Variants in HORMAD2 observed in about 807,000 individuals in gnomAD.
HORMAD2 encodes HORMA domain-containing protein 2.
A neutral mutation model predicts 38.8 loss-of-function variants in HORMAD2; 45 were observed. The observed-to-expected ratio is 1.16, with a 90% CI of 0.91 to 1.49. The LOEUF (loss-of-function observed/expected upper bound fraction) is 1.49. HORMAD2 is among the 40% of genes most tolerant of loss of function. The pLI is 0.00. For synonymous variants in HORMAD2, 126 were observed against 122.8 expected (o/e 1.03, Z -0.17); for missense variants, 338 against 367.0 (o/e 0.92, Z 0.65).
intron 10 of HORMAD2, among the ~76,000 whole-genome samples, chr22:30,154,844 G>A (rs1924966793): frequency 1.3e-5 from 2 of 152,106 alleles, no homozygotes; most frequent in African/African-American, 4.8e-5. Context: ...GAGGCAGAAG[G>A]ATCACCTGAG....
chr22:30,205,388 G>GGACC, the HORMAD2 span, among the ~76,000 whole-genome samples: 1 of 152,098 alleles, frequency 6.6e-6, no homozygotes, highest in Non-Finnish European at 1.5e-5. Flanking sequence ...GAACACCCTG[G>GGACC]GACCGGAAAC....
chr22:30,107,867 G>T lies in HORMAD2; in HGVS notation c.294+3430G>T, dbSNP rs190644053. ...TGATTATTTCTAGTTATGAAATTTTGTGTGATTTTTTTTTTTTTTGAGACG... is the reference window on the plus strand; with the variant it reads ...TGATTATTTCTAGTTATGAAATTTTTTGTGATTTTTTTTTTTTTTGAGACG... On this transcript the variant is annotated intron_variant, in intron 5 of 10. Coordinates refer to ENST00000336726, the MANE Select transcript of HORMAD2 (RefSeq NM_152510.4). Among the ~76,000 whole-genome samples, 4 of 148,744 alleles carry T rather than the reference G, an allele frequency of 2.7e-5. No individual in the cohort carries two copies. In the East Asian group the frequency reaches 7.9e-4, roughly 29 times the overall value.
intron 5 of HORMAD2, among the ~76,000 whole-genome samples, chr22:30,106,001 GTTTA>G (rs956206250): frequency 6.6e-6 from 1 of 152,076 alleles, no homozygotes; most frequent in African/African-American, 2.4e-5. Context: ...GGCTTTACAT[GTTTA>G]TTTATTAATT....
At chr22:30,169,216 C>A (rs1037726926) in intron 10 of HORMAD2, among the ~76,000 whole-genome samples, 1 of 152,100 alleles carries the variant, frequency 6.6e-6, no homozygotes, top group Admixed American at 6.6e-5. Context: ...CCCTGCTGTA[C>A]CCTATATATG....
chr22:30,125,286 G>A (rs1387685996), intron 10 of HORMAD2, among the ~76,000 whole-genome samples: 1 of 120,424 alleles, frequency 8.3e-6, no homozygotes, highest in Non-Finnish European at 1.6e-5. Flanking sequence ...TGAGTGCAAT[G>A]GCACAATCTC....
the HORMAD2 span, among the ~76,000 whole-genome samples, chr22:30,201,739 T>A: frequency 9.2e-5 from 14 of 151,638 alleles, no homozygotes; most frequent in African/African-American, 4.8e-5. Flanking sequence ...ACATACCTTT[T>A]CGGGGGACAC....
chr22:30,087,729 A>G (rs1257303371), intron 1 of HORMAD2, among the ~76,000 whole-genome samples: 2 of 152,012 alleles, frequency 1.3e-5, no homozygotes, highest in African/African-American at 4.8e-5. Flanking sequence ...GAGGAAAAAA[A>G]AAAAGGTTCT....
chr22:30,176,116 G>T lies in HORMAD2; in HGVS notation c.873G>T (p.Lys291Asn). The T allele has an allele frequency of 6.2e-7, 1 of 1,613,338 alleles. No individual in the cohort carries two copies. The highest frequency in any genetic ancestry group is 1.1e-5 in the South Asian group (1 of 91,064). Residue 291 changes from lysine to asparagine, a missense_variant, in exon 11 of 11, where the codon AAG becomes AAT. Transcript: ENST00000336726. ...CSQQSSECSRKKRKVSEPVKV... is the reference protein window; with the variant it reads ...CSQQSSECSRNKRKVSEPVKV... The stretch of plus-strand genomic sequence containing the variant: ...AGCAAAGTTCTGAGTGCTCCAGGAA[G>T]AAGAGGAAGGTCAGTGAACCAGTGA...
intron 1 of HORMAD2, among the ~76,000 whole-genome samples, chr22:30,088,220 TATATACATATATACACAC>T (rs2068617829): frequency 6.7e-6 from 1 of 150,066 alleles, no homozygotes; most frequent in African/African-American, 2.4e-5. Flanking sequence ...TATATACACA[TATATACATATATACACAC>T]ATATATACAT....
chr22:30,155,995 C>T (rs1470256795), intron 10 of HORMAD2, among the ~76,000 whole-genome samples: 1 of 152,078 alleles, frequency 6.6e-6, no homozygotes, highest in Non-Finnish European at 1.5e-5. Context: ...GGCCTTTTCC[C>T]CATGTAGATG....
At chr22:30,185,524 G>A in the HORMAD2 span, among the ~76,000 whole-genome samples, 4 of 152,176 alleles carry the variant, frequency 2.6e-5, no homozygotes, top group African/African-American at 7.2e-5. Flanking sequence ...TTTACAAGAC[G>A]ATAAACCACC....
At chr22:30,175,705 T>C (rs1310921459) in intron 10 of HORMAD2, among the ~76,000 whole-genome samples, 1 of 152,144 alleles carries the variant, frequency 6.6e-6, no homozygotes, top group East Asian at 1.9e-4. Context: ...TTAAATTACA[T>C]TTGCCTCTAA....
chr22:30,194,969 G>A, the HORMAD2 span, among the ~76,000 whole-genome samples: 8 of 152,060 alleles, frequency 5.3e-5, no homozygotes, highest in Non-Finnish European at 8.8e-5. Context: ...GAGGCGGGTG[G>A]ATTATGAGGT....
intron 10 of HORMAD2, among the ~76,000 whole-genome samples, chr22:30,125,216 CTTTTTTT>C (rs1167990121): frequency 7.1e-4 from 31 of 43,474 alleles, no homozygotes; most frequent in Admixed American, 1.0e-3. Context: ...TTTTTCTTTT[CTTTTTTT>C]TTTTTTTTTT....
chr22:30,109,013 C>T (rs116209886), intron 5 of HORMAD2, among the ~76,000 whole-genome samples: 8,825 of 143,478 alleles, frequency 0.062, 357 homozygotes, highest in Non-Finnish European at 0.086. Flanking sequence ...TCCTCCTTCC[C>T]TCCCTCCTTC....
At chr22:30,103,648 G>GTTTTTTTTTTTT (rs1569087601) in intron 4 of HORMAD2, 148 bp downstream of exon 4, 1 of 73,344 alleles carries the variant, frequency 1.4e-5, no homozygotes, top group Admixed American at 2.1e-4. Context: ...TTCTGTTTTT[G>GTTTTTTTTTTTT]ATTTTTTTTT....
chr22:30,153,521 T>TC (rs1452894071), intron 10 of HORMAD2, among the ~76,000 whole-genome samples: 1 of 152,134 alleles, frequency 6.6e-6, no homozygotes. Context: ...GTTCATTTCT[T>TC]CCCCCATATC....
At chr22:30,160,495 T>C (rs922464862) in intron 10 of HORMAD2, among the ~76,000 whole-genome samples, 1 of 152,098 alleles carries the variant, frequency 6.6e-6, no homozygotes, top group Non-Finnish European at 1.5e-5. Context: ...ATGAATTTTA[T>C]TCCAGTTTTA....
At chr22:30,187,554 A>G in the HORMAD2 span, among the ~76,000 whole-genome samples, 3 of 147,828 alleles carry the variant, frequency 2.0e-5, no homozygotes, top group Non-Finnish European at 3.0e-5. Context: ...CGTTTTTTTC[A>G]ATTAACTATG....
Sources: allele counts gnomAD v4.1 joint callset (sites outside exome capture counted in the v4.1 genomes callset), GRCh38; gene constraint gnomAD v4.1.1; transcripts MANE v1.5; gene names NCBI Gene and HGNC (gene_info 2026-07-23, HGNC 2026-07-21).